The following C6orf163 variants were observed in gnomAD, a reference collection of about 807,000 sequenced individuals.
The protein encoded by C6orf163 is chromosome 6 open reading frame 163.
C6orf163 carries 22 observed loss-of-function variants against 28.4 expected under a neutral mutation model. The ratio of observed to expected loss-of-function variants is 0.78; its 90% CI spans 0.55 to 1.11. The LOEUF (loss-of-function observed/expected upper bound fraction) is 1.11, where lower values mean the gene tolerates loss of function less well. Among genes scored for constraint, C6orf163 ranks in the 50% least tolerant of loss-of-function variants. The pLI is 0.00. For missense variants in C6orf163, 342 were observed against 389.1 expected, an observed-to-expected ratio of 0.88 and a Z score of 1.02; for synonymous variants, 110 against 123.6, an observed-to-expected ratio of 0.89 and a Z score of 0.73.
In C6orf163 at chr6:87,345,916, C is replaced by CAAAAA. The variant is rs3044136; in HGVS notation, c.148+689_148+693dup. The stretch of plus-strand genomic sequence containing the variant: ...TGGGTGACAGAGCGAGACTCTGCCT[C>CAAAAA]AAAAAAAAAAAAAAAAAAAAAAAAT... On this transcript the variant is annotated intron_variant, in intron 1 of 4. Coordinates refer to ENST00000388923, the MANE Select transcript of C6orf163 (RefSeq NM_001010868.3). Among the ~76,000 whole-genome samples the CAAAAA allele has an allele frequency of 4.9e-3, 219 of 44,628 alleles. 12 individuals carry two copies. Among genetic ancestry groups the CAAAAA allele is most frequent in the African/African-American group, 0.017 (202 of 12,108 alleles). The allele number at this position is 44,628 out of a possible 152,430, so 29.3% of individuals were successfully genotyped here. A position where few individuals can be genotyped will look rare whatever the true frequency, so the allele number is the denominator to read the frequency against.
At chr6:87,347,029 CAT>C (rs1216876329) in intron 1 of C6orf163, among the ~76,000 whole-genome samples, 4 of 152,264 alleles carry the variant, frequency 2.6e-5, no homozygotes, top group African/African-American at 7.2e-5. Flanking sequence ...TGAAATTTAT[CAT>C]GTGTGTATAT....
chr6:87,353,742 A>C (rs147722708), intron 3 of C6orf163, among the ~76,000 whole-genome samples: 3 of 152,354 alleles, frequency 2.0e-5, no homozygotes, highest in African/African-American at 4.8e-5. Context: ...CTCTGACTAC[A>C]AGAGAATAAC....
intron 4 of C6orf163, chr6:87,357,980 G>A (rs952349278): frequency 1.3e-5 from 2 of 152,174 alleles, no homozygotes; most frequent in Non-Finnish European, 2.9e-5. Context: ...CTGGCACATG[G>A]TAGGCATTCT....
intron 2 of C6orf163, 76 bp from the exon 3 acceptor site, chr6:87,350,318 C>T: frequency 2.3e-6 from 2 of 882,740 alleles, no homozygotes; most frequent in Non-Finnish European, 3.5e-6. Context: ...CCTGATTTAC[C>T]AACATCCTAA....
chr6:87,353,411 A>G (rs1777449362), intron 3 of C6orf163, among the ~76,000 whole-genome samples: 1 of 151,990 alleles, frequency 6.6e-6, no homozygotes. Context: ...TGCCTATATC[A>G]AAATACCTCA....
At chr6:87,358,340 GTTCA>G (rs1227440083) in intron 4 of C6orf163, 2 of 152,040 alleles carry the variant, frequency 1.3e-5, no homozygotes, top group Non-Finnish European at 2.9e-5. Flanking sequence ...AGGGGCGGTG[GTTCA>G]CGCCTGTAAT....
intron 4 of C6orf163, among the ~76,000 whole-genome samples, chr6:87,360,309 A>G (rs539409619): frequency 1.8e-3 from 278 of 152,212 alleles, no homozygotes; most frequent in Non-Finnish European, 2.3e-3. Flanking sequence ...ATTTATGTAC[A>G]TTGAAAAACA....
Position 87,348,893 on chromosome 6 carries a change from A to G in C6orf163, c.230A>G (p.Glu77Gly), listed in dbSNP as rs1777370191. 4.6e-6 allele frequency: 7 copies of G among 1,537,308 alleles called. No individual in the cohort carries two copies. The highest frequency in any genetic ancestry group is 6.1e-6 in the Non-Finnish European group (7 of 1,146,922). Reference protein sequence around the residue: ...LREHIAKAEAEVWAQANERQK... With the variant: ...LREHIAKAEAGVWAQANERQK... ...GAACACATTGCGAAAGCAGAAGCTG[A>G]AGTATGGGCTCAGGTAAAAGAAGTT... is the stretch of plus-strand genomic sequence containing the variant. The change falls in exon 2 of 5, where the codon GAA becomes GGA. Residue 77 changes from glutamate (E) to glycine (G), a missense_variant. Glu to Gly is a moderately conservative substitution (Grantham distance 98). Coordinates refer to ENST00000388923, the MANE Select transcript of C6orf163 (RefSeq NM_001010868.3).
At chr6:87,347,434 T>C in intron 1 of C6orf163, 1 of 985,406 alleles carries the variant, frequency 1.0e-6, no homozygotes, top group Non-Finnish European at 1.2e-6. Flanking sequence ...TGTATCACAT[T>C]TTTATGAAGT....
intron 3 of C6orf163, 65 bp from the exon 4 acceptor site, chr6:87,356,236 C>A: frequency 7.7e-7 from 1 of 1,298,558 alleles, no homozygotes; most frequent in Non-Finnish European, 1.1e-6. Context: ...TTTAAATAGC[C>A]TCCTAATGTG....
In C6orf163 at chr6:87,345,916, C is replaced by CAA. The variant is rs3044136; in HGVS notation, c.148+692_148+693dup. Among the ~76,000 whole-genome samples the CAA allele has an allele frequency of 7.7e-3, 342 of 44,418 alleles. 6 individuals carry two copies. The highest frequency in any genetic ancestry group is 0.019 in the Middle Eastern group (1 of 52). The allele number at this position is 44,418 out of a possible 152,430, so 29.1% of individuals were successfully genotyped here. ...TGGGTGACAGAGCGAGACTCTGCCT[C>CAA]AAAAAAAAAAAAAAAAAAAAAAAAT... On this transcript the variant is annotated intron_variant, in intron 1 of 4. Transcript: ENST00000388923.
intron 1 of C6orf163, chr6:87,348,552 C>T: frequency 7.5e-6 from 9 of 1,193,078 alleles, no homozygotes; most frequent in Non-Finnish European, 9.4e-6. Flanking sequence ...GCATTTATTT[C>T]ACCTCCCCAG....
intron 4 of C6orf163, among the ~76,000 whole-genome samples, chr6:87,363,759 G>A (rs909407161): frequency 3.7e-4 from 57 of 152,038 alleles, no homozygotes; most frequent in African/African-American, 1.4e-3. Flanking sequence ...TTGGACATTT[G>A]GGTTGGTTCC....
intron 4 of C6orf163, among the ~76,000 whole-genome samples, chr6:87,361,768 C>T (rs1777583512): frequency 6.6e-6 from 1 of 152,174 alleles, no homozygotes; most frequent in Non-Finnish European, 1.5e-5. Context: ...GGTTTTGATT[C>T]CTCTTTTTCC....
In C6orf163 at chr6:87,356,450, A is replaced by G; in HGVS notation, c.501A>G (p.Lys167=). The change falls in exon 4 of 5, where the codon AAA becomes AAG. Residue 167 remains lysine (K), a synonymous_variant. Transcript: ENST00000388923. ...GAGAGAAGGTCGAAGCTGTGGAGAA[A>G]GCCAGGGCTGAAGAAAGACACATCG... ...CHREKVEAVE[K]ARAEERHIAQ... The G allele has an allele frequency of 6.4e-7, 1 of 1,551,836 alleles. No individual in the cohort carries two copies. The highest frequency in any genetic ancestry group is 8.7e-7 in the Non-Finnish European group (1 of 1,147,014).
intron 3 of C6orf163, among the ~76,000 whole-genome samples, chr6:87,352,332 C>T (rs1166897225): frequency 1.3e-5 from 2 of 152,180 alleles, no homozygotes; most frequent in Non-Finnish European, 2.9e-5. Flanking sequence ...TCCTGGGCCT[C>T]ATTCTGACCT....
chr6:87,347,687 T>C (rs1427851241), intron 1 of C6orf163: 6 of 985,270 alleles, frequency 6.1e-6, no homozygotes, highest in Non-Finnish European at 7.2e-6. Context: ...TTCTTGACTC[T>C]TTTAACAGAG....
chr6:87,347,679 C>A, intron 1 of C6orf163: 1 of 985,082 alleles, frequency 1.0e-6, no homozygotes, highest in Non-Finnish European at 1.2e-6. Flanking sequence ...AATGGAATTT[C>A]TTGACTCTTT....
chr6:87,356,364 C>A lies in C6orf163; in HGVS notation c.415C>A (p.His139Asn). 6.4e-7 allele frequency: 1 copy of A among 1,551,644 alleles called. No homozygotes were observed. The highest frequency in any genetic ancestry group is 8.7e-7 in the Non-Finnish European group (1 of 1,147,012). ...QNMDDEMKRE[H>N]LAAEQRMVHR... ...CATGGATGACGAAATGAAGAGAGAGCACTTGGCTGCAGAACAGCGCATGGT... is the reference window on the plus strand; with the variant it reads ...CATGGATGACGAAATGAAGAGAGAGAACTTGGCTGCAGAACAGCGCATGGT... Residue 139 changes from histidine to asparagine, a missense_variant, in exon 4 of 5, where the codon CAC becomes AAC. By Grantham distance (68) the His-to-Asn change is moderately conservative. Coordinates refer to ENST00000388923, the MANE Select transcript of C6orf163 (RefSeq NM_001010868.3).
Sources: allele counts gnomAD v4.1 joint callset (sites outside exome capture counted in the v4.1 genomes callset), GRCh38; gene constraint gnomAD v4.1.1; transcripts MANE v1.5; gene names NCBI Gene and HGNC (gene_info 2026-07-23, HGNC 2026-07-21).